Variants in EFCAB6 observed in about 807,000 individuals in gnomAD.
EFCAB6 encodes the protein EF-hand calcium binding domain 6, also known as EF-hand calcium-binding domain-containing protein 6.
EFCAB6 carries 156 observed loss-of-function variants against 169.8 expected under a neutral mutation model. The observed-to-expected ratio is 0.92, with a 90% CI of 0.81 to 1.05. The LOEUF (loss-of-function observed/expected upper bound fraction) is 1.05. EFCAB6 is among the 50% of genes least tolerant of loss of function. The pLI is 0.00. For synonymous variants in EFCAB6, 698 were observed against 676.4 expected (o/e 1.03, Z -0.50); for missense variants, 1,800 against 1,829.1 (o/e 0.98, Z 0.29).
At chr22:43,777,971 C>T (rs2061693188) in intron 3 of EFCAB6, among the ~76,000 whole-genome samples, 1 of 152,246 alleles carries the variant, frequency 6.6e-6, no homozygotes, top group South Asian at 2.1e-4. Context: ...TAGAAAGTCA[C>T]AACAGACTGT....
intron 6 of EFCAB6, among the ~76,000 whole-genome samples, chr22:43,753,508 A>G (rs1018580726): frequency 6.6e-6 from 1 of 152,180 alleles, no homozygotes; most frequent in African/African-American, 2.4e-5. Flanking sequence ...CATGGGACAC[A>G]GTCACCAAGG....
chr22:43,735,761 G>A lies in EFCAB6; in HGVS notation c.644+96C>T, dbSNP rs2060113172. On this transcript the variant is annotated intron_variant, in intron 7 of 31. Coordinates refer to ENST00000262726, the MANE Select transcript of EFCAB6 (RefSeq NM_022785.4). ...GTGTGTGTGTGTGGCAGGGGGAGGT[G>A]AGAGATGGATGGAGCCAATGAACCC... 3.3e-5 allele frequency: 47 copies of A among 1,424,790 alleles called. 1 individual carries two copies. The South Asian group carries it at 6.3e-4, about 19-fold the overall frequency. 88.3% of individuals were successfully genotyped at this position (1,424,790 alleles called of 1,614,324 possible).
chr22:43,641,340 G>A (rs2147973960), intron 17 of EFCAB6, among the ~76,000 whole-genome samples: 1 of 152,324 alleles, frequency 6.6e-6, no homozygotes, highest in South Asian at 2.1e-4. Flanking sequence ...TGTGGACCAG[G>A]CACAGCGGCT....
At chr22:43,747,893 A>G (rs1449940058) in intron 6 of EFCAB6, among the ~76,000 whole-genome samples, 1 of 152,190 alleles carries the variant, frequency 6.6e-6, no homozygotes, top group Non-Finnish European at 1.5e-5. Context: ...AGCAACTTGT[A>G]TCACTTTATT....
At chr22:43,810,777 G>A (rs1299338299) in intron 1 of EFCAB6, among the ~76,000 whole-genome samples, 3 of 152,044 alleles carry the variant, frequency 2.0e-5, no homozygotes, top group Non-Finnish European at 4.4e-5. Context: ...AAGCATAGAG[G>A]AAAAAGGGAA....
chr22:43,625,618 C>G (rs2054453026), intron 20 of EFCAB6, among the ~76,000 whole-genome samples: 1 of 152,190 alleles, frequency 6.6e-6, no homozygotes, highest in African/African-American at 2.4e-5. Flanking sequence ...CTGAGATTCT[C>G]CTGGCTAAGA....
intron 8 of EFCAB6, 119 bp from the exon 9 acceptor site, chr22:43,717,091 A>G: frequency 1.6e-6 from 2 of 1,253,158 alleles, no homozygotes; most frequent in South Asian, 4.6e-5. Flanking sequence ...AACCAAGAAA[A>G]TGATGAACCA....
intron 10 of EFCAB6, among the ~76,000 whole-genome samples, chr22:43,698,515 G>T (rs2058657983): frequency 6.6e-6 from 1 of 152,136 alleles, no homozygotes; most frequent in African/African-American, 2.4e-5. Context: ...GTGTGGCAAT[G>T]GTCTCAGACC....
chr22:43,763,476 T>C (rs1302547623), intron 5 of EFCAB6, among the ~76,000 whole-genome samples: 3 of 152,146 alleles, frequency 2.0e-5, no homozygotes, highest in Non-Finnish European at 4.4e-5. Flanking sequence ...ATCAAAACTC[T>C]ACACCCATGT....
In EFCAB6 at chr22:43,786,656, C is replaced by T. The variant is rs1317895173; in HGVS notation, c.-7-4331G>A. Among the ~76,000 whole-genome samples, 3 of 151,842 alleles carry T rather than the reference C, an allele frequency of 2.0e-5. No homozygotes were observed. The South Asian group carries it at 6.2e-4, about 32-fold the overall frequency. On this transcript the variant is annotated intron_variant, in intron 2 of 31. Coordinates refer to ENST00000262726, the MANE Select transcript of EFCAB6 (RefSeq NM_022785.4). ...ATGAACCCAGGAGGCAGAGTTTGCA[C>T]TGAGCCAAGATCGCGCCACTGCACT... is the stretch of plus-strand genomic sequence containing the variant.
At chr22:43,786,983 A>C (rs1382132806) in intron 2 of EFCAB6, among the ~76,000 whole-genome samples, 1 of 152,220 alleles carries the variant, frequency 6.6e-6, no homozygotes, top group Non-Finnish European at 1.5e-5. Context: ...AAGTGCAGAA[A>C]AAGCATTTCA....
At chr22:43,735,718 G>T in intron 7 of EFCAB6, 139 bp downstream of exon 7, 1 of 1,013,160 alleles carries the variant, frequency 9.9e-7, no homozygotes, top group Non-Finnish European at 1.4e-6. Flanking sequence ...TCCAGTGAGT[G>T]CCTCTTTGAG....
At chr22:43,740,371 G>A (rs1057440072) in intron 6 of EFCAB6, among the ~76,000 whole-genome samples, 1 of 152,108 alleles carries the variant, frequency 6.6e-6, no homozygotes, top group Non-Finnish European at 1.5e-5. Context: ...GTATCTGTTG[G>A]AATGAATGAA....
chr22:43,739,436 G>A (rs1398682335), intron 6 of EFCAB6, among the ~76,000 whole-genome samples: 1 of 151,732 alleles, frequency 6.6e-6, no homozygotes. Context: ...TTAGGACTCA[G>A]TCCTCAGCCC....
At position 43,672,116 on chromosome 22, in the gene EFCAB6, A is replaced by G. The variant is rs1057454396; in HGVS notation, c.1497T>C (p.His499=). 1 of 1,613,488 alleles carries G rather than the reference A, an allele frequency of 6.2e-7. No individual in the cohort carries two copies. The highest frequency in any genetic ancestry group is 8.5e-7 in the Non-Finnish European group (1 of 1,179,834). The change falls in exon 15 of 32, where the codon CAT becomes CAC. Residue 499 remains histidine (H), a synonymous_variant. Coordinates refer to ENST00000262726, the MANE Select transcript of EFCAB6 (RefSeq NM_022785.4). ...LAWDSVEEIV[H]DTITRNLQAF... ...CTTGTAGGTTCCTAGTAATTGTATC[A>G]TGAACAATTTCTTCCACCTAACATT...
chr22:43,785,299 C>T (rs1053113570), intron 2 of EFCAB6, among the ~76,000 whole-genome samples: 1 of 152,044 alleles, frequency 6.6e-6, no homozygotes, highest in African/African-American at 2.4e-5. Flanking sequence ...AGCCTCAATA[C>T]ATTTAAAAGG....
At position 43,572,692 on chromosome 22, in the gene EFCAB6, C is replaced by T. The variant is rs2049967922; in HGVS notation, c.3420+3605G>A. On this transcript the variant is annotated intron_variant, in intron 26 of 31. Coordinates refer to ENST00000262726, the MANE Select transcript of EFCAB6 (RefSeq NM_022785.4). The surrounding 1 kb of genome is among the most constrained non-coding windows in gnomAD (Gnocchi z 4.0). ...CCCCTCCTCGTCGCTCGGATGTCACCCCTCGACAGGCCCTCCCTTCTGCTC... is the reference window on the plus strand; with the variant it reads ...CCCCTCCTCGTCGCTCGGATGTCACTCCTCGACAGGCCCTCCCTTCTGCTC... Among the ~76,000 whole-genome samples the T allele has an allele frequency of 6.6e-6, 1 of 152,158 alleles. No individual in the cohort carries two copies. Among genetic ancestry groups the T allele is most frequent in the South Asian group, 2.1e-4 (1 of 4,822 alleles).
At chr22:43,705,941 A>AG (rs1482380291) in intron 10 of EFCAB6, among the ~76,000 whole-genome samples, 2 of 152,204 alleles carry the variant, frequency 1.3e-5, no homozygotes, top group Non-Finnish European at 2.9e-5. Context: ...AATGAAGATA[A>AG]GGGTTGGCTT....
chr22:43,731,633 A>G, intron 8 of EFCAB6, 66 bp downstream of exon 8: 1 of 939,096 alleles, frequency 1.1e-6, no homozygotes, highest in South Asian at 2.0e-5. Context: ...GGAATGATCC[A>G]AAGAACAGGA....
Sources: allele counts gnomAD v4.1 joint callset (sites outside exome capture counted in the v4.1 genomes callset), GRCh38; gene constraint gnomAD v4.1.1; non-coding constraint Gnocchi (gnomAD v3.1); transcripts MANE v1.5; gene names NCBI Gene and HGNC (gene_info 2026-07-23, HGNC 2026-07-21).